The following TBXAS1 variants were observed in gnomAD, a reference collection of about 807,000 sequenced individuals.
TBXAS1 encodes the protein thromboxane-A synthase.
TBXAS1 carries 48 observed loss-of-function variants against 60.7 expected under a neutral mutation model. That is an observed-to-expected ratio of 0.79 (90% CI 0.63 to 1.01). The LOEUF is 1.01. TBXAS1 is among the 50% of genes least tolerant of loss of function. The pLI, the probability that TBXAS1 is intolerant of heterozygous loss-of-function variation, is 0.00. For missense variants in TBXAS1, 685 were observed against 686.3 expected (o/e 1.00, Z 0.02); for synonymous variants, 287 against 269.7 (o/e 1.06, Z -0.63).
At chr7:139,991,829 C>A (rs1812931331) in intron 9 of TBXAS1, among the ~76,000 whole-genome samples, 1 of 152,214 alleles carries the variant, frequency 6.6e-6, no homozygotes, top group East Asian at 1.9e-4. Context: ...CAGGACTGGA[C>A]TGAAGCCCCG....
At chr7:139,972,678 A>C (rs544130447) in intron 9 of TBXAS1, among the ~76,000 whole-genome samples, 1 of 152,196 alleles carries the variant, frequency 6.6e-6, no homozygotes, top group African/African-American at 2.4e-5. Context: ...CCTTTTCGTC[A>C]CTAGGCTTAA....
At chr7:139,940,971 A>G (rs968416707) in intron 5 of TBXAS1, among the ~76,000 whole-genome samples, 4 of 83,594 alleles carry the variant, frequency 4.8e-5, no homozygotes, top group Admixed American at 1.4e-4. Context: ...TCCTTTAGAG[A>G]GTCACCAATA....
At position 140,013,071 on chromosome 7, in the gene TBXAS1, C is replaced by T. The variant is rs1814740225; in HGVS notation, c.1227-2652C>T. ...CTGCACTCCAGCCTGGGCAACAGAG[C>T]GAGACTCCATCTCAAAAAAAAAAAA... On this transcript the variant is annotated intron_variant, in intron 10 of 12. Coordinates refer to ENST00000448866, the MANE Select transcript of TBXAS1 (RefSeq NM_001061.7). This position sits in a 1 kb window ranked among gnomAD's most constrained non-coding sequence, Gnocchi z 4.2. 7.6e-6 allele frequency among the ~76,000 whole-genome samples: 1 copy of T among 132,052 alleles called. No homozygotes were observed. Among genetic ancestry groups the T allele is most frequent in the South Asian group, 2.3e-4 (1 of 4,304 alleles). The allele number at this position is 132,052 out of a possible 152,430, so 86.6% of individuals were successfully genotyped here.
intron 1 of TBXAS1, among the ~76,000 whole-genome samples, chr7:139,863,140 C>T (rs549086993): frequency 9.2e-5 from 14 of 152,268 alleles, no homozygotes; most frequent in Admixed American, 6.5e-4. Flanking sequence ...AAGTACTAAG[C>T]ATAGTGCCTG....
At chr7:139,901,175 A>G (rs1048842583) in intron 3 of TBXAS1, among the ~76,000 whole-genome samples, 1 of 152,172 alleles carries the variant, frequency 6.6e-6, no homozygotes, top group Non-Finnish European at 1.5e-5. Context: ...TCCTCAAACT[A>G]CAGATGAGAG....
chr7:139,936,791 A>G (rs1807831527), intron 5 of TBXAS1, among the ~76,000 whole-genome samples: 1 of 152,250 alleles, frequency 6.6e-6, no homozygotes, highest in Admixed American at 6.5e-5. Flanking sequence ...ACTAGAGAAC[A>G]GCATGAAACA....
intron 3 of TBXAS1, among the ~76,000 whole-genome samples, chr7:139,908,980 T>C (rs186421540): frequency 9.2e-5 from 14 of 152,364 alleles, no homozygotes; most frequent in African/African-American, 3.1e-4. Flanking sequence ...TTTCAGCACT[T>C]GAAAAATGTG....
intron 3 of TBXAS1, among the ~76,000 whole-genome samples, chr7:139,881,455 T>TCC (rs1569506922): frequency 6.7e-6 from 1 of 149,618 alleles, no homozygotes; most frequent in African/African-American, 2.5e-5. Context: ...ACACCCTTTT[T>TCC]CCCCCCCTCC....
intron 5 of TBXAS1, among the ~76,000 whole-genome samples, chr7:139,951,864 AAGG>A (rs1809337113): frequency 1.1e-5 from 1 of 89,082 alleles, no homozygotes; most frequent in African/African-American, 5.1e-5. Context: ...GGAAGGAAAG[AAGG>A]AAGGAAGGAA....
intron 4 of TBXAS1, among the ~76,000 whole-genome samples, chr7:139,912,834 A>G (rs1176083433): frequency 6.6e-6 from 1 of 152,208 alleles, no homozygotes; most frequent in Admixed American, 6.5e-5. Context: ...GAGTACAATT[A>G]TCATCTCTAT....
rs762439301 is a variant in TBXAS1 at position 140,013,416 on chromosome 7, G to A, written c.1227-2307G>A. ...CAAGAGTTGAGTTGTGTGGCTCCAGGTAGACTCATTTCCCAGGGTCACCTG... is the reference window on the plus strand; with the variant it reads ...CAAGAGTTGAGTTGTGTGGCTCCAGATAGACTCATTTCCCAGGGTCACCTG... On this transcript the variant is annotated intron_variant, in intron 10 of 12. Transcript: ENST00000448866. This position sits in a 1 kb window ranked among gnomAD's most constrained non-coding sequence, Gnocchi z 4.2. 3.3e-5 allele frequency among the ~76,000 whole-genome samples: 5 copies of A among 152,166 alleles called. No homozygotes were observed. The highest frequency in any genetic ancestry group is 4.8e-5 in the African/African-American group (2 of 41,430).
chr7:139,920,223 C>T (rs368850379), intron 4 of TBXAS1, among the ~76,000 whole-genome samples: 94 of 152,306 alleles, frequency 6.2e-4, no homozygotes, highest in Non-Finnish European at 9.4e-4. Flanking sequence ...GTAAAGACAA[C>T]GAGGGGTCCC....
intron 1 of TBXAS1, among the ~76,000 whole-genome samples, chr7:139,860,068 G>A (rs1800856930): frequency 1.3e-5 from 2 of 152,218 alleles, no homozygotes; most frequent in Non-Finnish European, 2.9e-5. Flanking sequence ...CTGGGAGGTG[G>A]AGGTTGCAGT....
At chr7:139,904,932 C>T (rs1263897897) in intron 3 of TBXAS1, among the ~76,000 whole-genome samples, 1 of 151,896 alleles carries the variant, frequency 6.6e-6, no homozygotes, top group Non-Finnish European at 1.5e-5. Flanking sequence ...GGATGCTCTC[C>T]TTTCTTTCTT....
rs1034219125 is a variant in TBXAS1, at chr7:139,896,129, G to A, written c.237-15096G>A. 6.6e-6 allele frequency among the ~76,000 whole-genome samples: 1 copy of A among 152,174 alleles called. No individual in the cohort carries two copies. The highest frequency in any genetic ancestry group is 1.5e-5 in the Non-Finnish European group (1 of 68,032). On this transcript the variant is annotated intron_variant, in intron 3 of 12. Transcript: ENST00000448866. This position sits in a 1 kb window ranked among gnomAD's most constrained non-coding sequence, Gnocchi z 4.0. ...TCCTTCCACTTGCTCTTAAGGGTGA[G>A]GCGCTCTGCTAGCTTCTCAGGGATG... is the stretch of plus-strand genomic sequence containing the variant.
chr7:139,957,334 A>G (rs541766635), intron 7 of TBXAS1, among the ~76,000 whole-genome samples: 7 of 152,208 alleles, frequency 4.6e-5, no homozygotes, highest in Non-Finnish European at 1.0e-4. Context: ...TCTCATCCCC[A>G]GGACCTGAAA....
At chr7:139,955,378 G>A in intron 6 of TBXAS1, 81 bp from the exon 7 acceptor site, 1 of 1,583,242 alleles carries the variant, frequency 6.3e-7, no homozygotes, top group Non-Finnish European at 8.7e-7. Flanking sequence ...AAGCAATTCA[G>A]GCCCTCCTCC....
chr7:139,802,503 G>C (rs1038293161), intron 4 of TBXAS1, among the ~76,000 whole-genome samples: 1 of 152,138 alleles, frequency 6.6e-6, no homozygotes, highest in South Asian at 2.1e-4. Flanking sequence ...GCCAGTTCCC[G>C]GCTGTTCGCA....
chr7:139,893,158 T>G (rs1803777137), intron 3 of TBXAS1, among the ~76,000 whole-genome samples: 1 of 152,186 alleles, frequency 6.6e-6, no homozygotes, highest in South Asian at 2.1e-4. Flanking sequence ...CAGCACATTC[T>G]TCCCATGGCA....
Sources: gnomAD v4.1 joint callset for allele counts (sites outside exome capture counted in the v4.1 genomes callset) on GRCh38, gnomAD v4.1.1 for gene constraint, Gnocchi (gnomAD v3.1) non-coding constraint, MANE v1.5 for transcripts, NCBI Gene and HGNC (gene_info 2026-07-23, HGNC 2026-07-21) for gene names.